PSG7: variants seen among roughly 807,000 people sequenced by gnomAD.
PSG7 encodes pregnancy specific beta-1-glycoprotein 7, also known as pregnancy-specific beta-1-glycoprotein 7.
A neutral mutation model predicts 45.6 loss-of-function variants in PSG7; 57 were observed. That is an observed-to-expected ratio of 1.25 (90% CI 1.01 to 1.56). The LOEUF (loss-of-function observed/expected upper bound fraction) is 1.56, where lower values mean the gene tolerates loss of function less well. Among genes scored for constraint, PSG7 ranks in the 40% most tolerant of loss-of-function variants. PSG7 has a pLI of 0.00. For missense variants in PSG7, 796 were observed against 508.4 expected, an observed-to-expected ratio of 1.57 and a Z score of -5.44; for synonymous variants, 298 against 194.4, an observed-to-expected ratio of 1.53 and a Z score of -4.43.
At position 42,925,817 on chromosome 19, in the gene PSG7, G is replaced by A; in HGVS notation, c.1199C>T (p.Ala400Val). 3.1e-6 allele frequency: 5 copies of A among 1,612,030 alleles called. 1 individual carries two copies. Among genetic ancestry groups the A allele is most frequent in the Non-Finnish European group, 4.2e-6 (5 of 1,179,030 alleles). The change falls in exon 5 of 6, where the codon GCC (alanine) becomes GTC (valine). Residue 400 changes from alanine to valine, a missense_variant. Coordinates refer to ENST00000406070, the MANE Select transcript of PSG7 (RefSeq NM_002783.3). ...GGATTTGGAGCTTTCCTTGCCAGTG[G>A]CTGAGTTACGAACAGAGCAAGCATA... The part of the protein sequence containing the change: ...GLYACSVRNS[A>V]TGKESSKSVT...
At chr19:42,932,564 C>T (rs563631692) in intron 2 of PSG7, among the ~76,000 whole-genome samples, 6 of 151,428 alleles carry the variant, frequency 4.0e-5, no homozygotes, top group South Asian at 2.1e-4. Context: ...CTGATGAGTC[C>T]GTGCAAAGAT....
chr19:42,935,461 T>C lies in PSG7; in HGVS notation c.373A>G (p.Ile125Val). The C allele has an allele frequency of 6.2e-7, 1 of 1,612,216 alleles. No homozygotes were observed. Among genetic ancestry groups the C allele is most frequent in the Non-Finnish European group, 8.5e-7 (1 of 1,179,024 alleles). ...CCTCCAGTCCCATCACCTCGCTTTA[T>C]GATGTGTAAAGTGTAGGATCCTGTG... ...EDTGSYTLHI[I>V]KRGDGTGGVT... The change falls in exon 2 of 6, where the codon ATA becomes GTA. Residue 125 changes from isoleucine (I) to valine (V), a missense_variant. Coordinates refer to ENST00000406070, the MANE Select transcript of PSG7 (RefSeq NM_002783.3).
rs549213568 is a variant in PSG7 at position 42,928,974 on chromosome 19, G to A, written c.709+468C>T. On this transcript the variant is annotated intron_variant, in intron 3 of 5. Coordinates refer to ENST00000406070, the MANE Select transcript of PSG7 (RefSeq NM_002783.3). ...AGTGGATGAGAATCTGTGAGGCAGG[G>A]GAGCTTGGGGACTTCTCTTGTATGG... Among the ~76,000 whole-genome samples, 10 of 151,672 alleles carry A rather than the reference G, an allele frequency of 6.6e-5. 2 individuals carry two copies. In the South Asian group the frequency reaches 1.0e-3, roughly 16 times the overall value.
Position 42,933,294 on chromosome 19 carries a change from TA to T in PSG7, c.430+2109del, listed in dbSNP as rs1342828644. Among the ~76,000 whole-genome samples the T allele has an allele frequency of 4.2e-3, 64 of 15,222 alleles. 4 individuals carry two copies. The highest frequency in any genetic ancestry group is 7.6e-3 in the African/African-American group (50 of 6,616). 10.0% of individuals were successfully genotyped at this position (15,222 alleles called of 152,430 possible). A position where few individuals can be genotyped will look rare whatever the true frequency, so the allele number is the denominator to read the frequency against. Reference sequence around the variant, plus strand: ...ATATATATATATATATATATATATATATATATATATATATTTTTTTTTTTTT... The same window carrying T: ...ATATATATATATATATATATATATATTATATATATATATTTTTTTTTTTTT... On this transcript the variant is annotated intron_variant, in intron 2 of 5. Transcript: ENST00000406070.
intron 5 of PSG7, chr19:42,925,352 G>C (rs1972858017): frequency 5.3e-6 from 2 of 378,838 alleles, no homozygotes; most frequent in African/African-American, 4.2e-5. Flanking sequence ...GGGGCATTCA[G>C]GTAGAGAGCA....
rs750496172 is a variant in PSG7, at chr19:42,926,008, T to G, written c.1008A>C (p.Arg336Ser). ...GGTAATAGGTGAATGAAGGGTAAAT[T>G]CTGGGGAGGTCTGGACCATCTGGAG... The part of the protein sequence containing the change: ...LNVLYGPDLP[R>S]IYPSFTYYHS... Residue 336 changes from arginine to serine, a missense_variant, in exon 5 of 6, where the codon AGA (arginine) becomes AGC (serine). Physicochemically the swap from Arg to Ser is moderately radical, Grantham distance 110 (BLOSUM62 -1). Coordinates refer to ENST00000406070, the MANE Select transcript of PSG7 (RefSeq NM_002783.3). The G allele has an allele frequency of 1.2e-6, 2 of 1,611,782 alleles. No homozygotes were observed. The highest frequency in any genetic ancestry group is 2.7e-5 in the African/African-American group (2 of 74,598).
intron 3 of PSG7, chr19:42,927,560 T>C (rs1484240425): frequency 6.6e-6 from 1 of 151,600 alleles, no homozygotes; most frequent in Non-Finnish European, 1.5e-5. Context: ...GTGGAAAGTG[T>C]GGGAATGAAC....
rs56691588 is a variant in PSG7, at chr19:42,933,307, A to ATATATATTT, written c.430+2096_430+2097insAAATATATA. Reference sequence around the variant, plus strand: ...TATATATATATATATATATATATATATTTTTTTTTTTTTTTGGTGTATGTA... The same window carrying ATATATATTT: ...TATATATATATATATATATATATATATATATATTTTTTTTTTTTTTTTTTGGTGTATGTA... On this transcript the variant is annotated intron_variant, in intron 2 of 5. Transcript: ENST00000406070. Among the ~76,000 whole-genome samples, 29 of 13,488 alleles carry ATATATATTT rather than the reference A, an allele frequency of 2.2e-3. 2 individuals are homozygous for ATATATATTT. The highest frequency in any genetic ancestry group is 4.9e-3 in the East Asian group (1 of 206). The allele number at this position is 13,488 out of a possible 152,430, so 8.8% of individuals were successfully genotyped here.
chr19:42,936,064 G>A (rs1306062625), intron 1 of PSG7: 14 of 442,322 alleles, frequency 3.2e-5, no homozygotes, highest in East Asian at 2.9e-4. Flanking sequence ...CCAGGGGTCC[G>A]CACGGCCCCC....
At position 42,933,832 on chromosome 19, in the gene PSG7, A is replaced by G. The variant is rs72623874; in HGVS notation, c.430+1572T>C. Among the ~76,000 whole-genome samples, 121 of 151,086 alleles carry G rather than the reference A, an allele frequency of 8.0e-4. 4 individuals carry two copies. The East Asian group carries it at 0.022, about 28-fold the overall frequency. ...AGTCCAGGACCAAGGAGCCCTGAGAACCCTCCGTGGCCAAAGAGCTTCAGA... is the reference window on the plus strand; with the variant it reads ...AGTCCAGGACCAAGGAGCCCTGAGAGCCCTCCGTGGCCAAAGAGCTTCAGA... On this transcript the variant is annotated intron_variant, in intron 2 of 5. Transcript: ENST00000406070.
At chr19:42,936,785 T>C (rs867829111) in intron 1 of PSG7, among the ~76,000 whole-genome samples, 17 of 151,306 alleles carry the variant, frequency 1.1e-4, no homozygotes, top group African/African-American at 3.4e-4. Flanking sequence ...GTAGCTAGGA[T>C]TACAGGAGCA....
chr19:42,933,932 C>G lies in PSG7; in HGVS notation c.430+1472G>C, dbSNP rs1452095079. Among the ~76,000 whole-genome samples, 4 of 151,336 alleles carry G rather than the reference C, an allele frequency of 2.6e-5. No individual in the cohort carries two copies. In the South Asian group the frequency reaches 8.4e-4, roughly 32 times the overall value. On this transcript the variant is annotated intron_variant, in intron 2 of 5. Transcript: ENST00000406070. Reference sequence around the variant, plus strand: ...AACATGGGTGTCAGCCTCCGAAGGACAAGGGACAGGTGTGGCTAGAAACTC... The same window carrying G: ...AACATGGGTGTCAGCCTCCGAAGGAGAAGGGACAGGTGTGGCTAGAAACTC...
At position 42,933,282 on chromosome 19, in the gene PSG7, TATATATATATATATATATATA is replaced by T. The variant is rs1568459413; in HGVS notation, c.430+2101_430+2121del. Among the ~76,000 whole-genome samples, 11 of 7,388 alleles carry T rather than the reference TATATATATATATATATATATA, an allele frequency of 1.5e-3. 2 individuals carry two copies. Among genetic ancestry groups the T allele is most frequent in the African/African-American group, 2.3e-3 (6 of 2,600 alleles). 4.8% of individuals were successfully genotyped at this position (7,388 alleles called of 152,430 possible). ...CACCATTTCAATATATATATATATA[TATATATATATATATATATATA>T]TATATTTTTTTTTTTTTTTGGTGTA... On this transcript the variant is annotated intron_variant, in intron 2 of 5. Coordinates refer to ENST00000406070, the MANE Select transcript of PSG7 (RefSeq NM_002783.3).
chr19:42,933,307 A>ATATATATATATATTTTTTTTT (rs56691588), intron 2 of PSG7, among the ~76,000 whole-genome samples: 1 of 13,506 alleles, frequency 7.4e-5, no homozygotes, highest in Non-Finnish European at 1.6e-4. Context: ...ATATATATAT[A>ATATATATATATATTTTTTTTT]TTTTTTTTTT....
At chr19:42,931,171 G>T (rs935096672) in intron 2 of PSG7, among the ~76,000 whole-genome samples, 4 of 151,452 alleles carry the variant, frequency 2.6e-5, no homozygotes, top group African/African-American at 9.7e-5. Context: ...AATAACAAAA[G>T]AAAAATTTGG....
Position 42,934,207 on chromosome 19 carries a change from C to T in PSG7, c.430+1197G>A, listed in dbSNP as rs145122950. Among the ~76,000 whole-genome samples the T allele has an allele frequency of 1.1e-3, 171 of 151,402 alleles. 2 individuals carry two copies. Among genetic ancestry groups the T allele is most frequent in the Non-Finnish European group, 1.8e-3 (125 of 67,804 alleles). On this transcript the variant is annotated intron_variant, in intron 2 of 5. Coordinates refer to ENST00000406070, the MANE Select transcript of PSG7 (RefSeq NM_002783.3). ...GGGTGTTAAGATCTGAGGGGGAGACCTGGACATTTTTTTTGCACTGACTCT... is the reference window on the plus strand; with the variant it reads ...GGGTGTTAAGATCTGAGGGGGAGACTTGGACATTTTTTTTGCACTGACTCT...
In PSG7 at chr19:42,933,706, G is replaced by A. The variant is rs1442521616; in HGVS notation, c.430+1698C>T. Among the ~76,000 whole-genome samples, 2 of 150,950 alleles carry A rather than the reference G, an allele frequency of 1.3e-5. 1 individual carries two copies. Among genetic ancestry groups the A allele is most frequent in the Non-Finnish European group, 3.0e-5 (2 of 67,754 alleles). ...TCAGAATGAAGTGGGAGGAAGATGA[G>A]GGACACAGAGAAGCAGAGAGAGGCA... On this transcript the variant is annotated intron_variant, in intron 2 of 5. Transcript: ENST00000406070.
intron 2 of PSG7, among the ~76,000 whole-genome samples, chr19:42,929,958 T>A (rs865908304): frequency 6.6e-6 from 1 of 151,546 alleles, no homozygotes; most frequent in South Asian, 2.1e-4. Flanking sequence ...AGCAGCAGCA[T>A]TGGGTCATGG....
Position 42,935,502 on chromosome 19 carries a change from T to A in PSG7, c.332A>T (p.Asn111Ile). The A allele has an allele frequency of 6.2e-7, 1 of 1,612,228 alleles. No homozygotes were observed. Among genetic ancestry groups the A allele is most frequent in the Non-Finnish European group, 8.5e-7 (1 of 1,179,040 alleles). ...GGATCCTGTGTCTTCCTGGGTGACA[T>A]TCTGGATCAGCAGGGATGCATTGGA... ...VYSNASLLIQ[N>I]VTQEDTGSYT... The change falls in exon 2 of 6, where the codon AAT becomes ATT. Residue 111 changes from asparagine to isoleucine, a missense_variant. Coordinates refer to ENST00000406070, the MANE Select transcript of PSG7 (RefSeq NM_002783.3).
Sources: gnomAD v4.1 joint callset for allele counts (sites outside exome capture counted in the v4.1 genomes callset) on GRCh38, gnomAD v4.1.1 for gene constraint, MANE v1.5 for transcripts, NCBI Gene and HGNC (gene_info 2026-07-23, HGNC 2026-07-21) for gene names.